The following DPP10 variants were observed in gnomAD, a reference collection of about 807,000 sequenced individuals.
DPP10 encodes inactive dipeptidyl peptidase 10.
DPP10 carries 33 observed loss-of-function variants against 120.9 expected under a neutral mutation model. The observed-to-expected ratio is 0.27, with a 90% CI of 0.21 to 0.37. DPP10 has a LOEUF of 0.37. Among genes scored for constraint, DPP10 ranks in the 10% least tolerant of loss-of-function variants. The pLI is 1.00. For synonymous variants in DPP10, 337 were observed against 326.1 expected (o/e 1.03, Z -0.36); for missense variants, 816 against 942.8 (o/e 0.87, Z 1.76).
At chr2:114,622,500 C>T (rs563950356) in intron 1 of DPP10, among the ~76,000 whole-genome samples, 2 of 151,930 alleles carry the variant, frequency 1.3e-5, no homozygotes, top group East Asian at 3.9e-4. Flanking sequence ...GCACAGAATC[C>T]GTTGCTTTTT....
intron 1 of DPP10, among the ~76,000 whole-genome samples, chr2:115,147,458 T>C (rs2051289389): frequency 6.6e-6 from 1 of 152,156 alleles, no homozygotes; most frequent in Non-Finnish European, 1.5e-5. Flanking sequence ...TAACACCTTT[T>C]AGGTCTTGGT....
Position 114,834,429 on chromosome 2 carries a change from T to A in DPP10, c.60+391591T>A, listed in dbSNP as rs1247103107. ...CCATATCTACACACCTATGTATATA[T>A]AAGCCATATCTACACACCTATGTAC... On this transcript the variant is annotated intron_variant, in intron 1 of 25. Transcript: ENST00000410059. Among the ~76,000 whole-genome samples the A allele has an allele frequency of 5.3e-5, 8 of 151,142 alleles. No individual in the cohort carries two copies. The South Asian group carries it at 1.7e-3, about 32-fold the overall frequency.
At chr2:115,658,239 G>A (rs1286705274) in intron 5 of DPP10, among the ~76,000 whole-genome samples, 1 of 151,900 alleles carries the variant, frequency 6.6e-6, no homozygotes, top group East Asian at 1.9e-4. Flanking sequence ...GAGCATAATT[G>A]ATTACTAATT....
At chr2:115,567,177 C>G (rs565346920) in intron 5 of DPP10, among the ~76,000 whole-genome samples, 1 of 151,664 alleles carries the variant, frequency 6.6e-6, no homozygotes, top group South Asian at 2.1e-4. Context: ...GGTTTTTCTC[C>G]CATGCTTGTA....
intron 1 of DPP10, among the ~76,000 whole-genome samples, chr2:115,136,399 C>T (rs1168610105): frequency 1.3e-5 from 2 of 152,130 alleles, no homozygotes; most frequent in Non-Finnish European, 2.9e-5. Context: ...TTTCTCTAGC[C>T]TTGATGTTAT....
rs1316008762 is a variant in DPP10, at chr2:114,448,885, C to T, written c.60+6047C>T. Among the ~76,000 whole-genome samples, 5 of 152,238 alleles carry T rather than the reference C, an allele frequency of 3.3e-5. No homozygotes were observed. The East Asian group carries it at 9.6e-4, about 29-fold the overall frequency. ...ATATATATTTGTTGGTTATTAATGACTGTTAAGGTCATTTAGTAGAGATAA... is the reference window on the plus strand; with the variant it reads ...ATATATATTTGTTGGTTATTAATGATTGTTAAGGTCATTTAGTAGAGATAA... On this transcript the variant is annotated intron_variant, in intron 1 of 25. Transcript: ENST00000410059.
At chr2:115,598,045 A>C (rs1160951673) in intron 5 of DPP10, among the ~76,000 whole-genome samples, 5 of 151,944 alleles carry the variant, frequency 3.3e-5, no homozygotes, top group African/African-American at 1.2e-4. Context: ...ATTATTTTGA[A>C]GTCTATTTTA....
chr2:114,523,715 T>C (rs1363584532), intron 1 of DPP10, among the ~76,000 whole-genome samples: 2 of 152,186 alleles, frequency 1.3e-5, no homozygotes, highest in African/African-American at 2.4e-5. Context: ...TTATACATGT[T>C]GCCAGATGTG....
chr2:114,852,653 C>A (rs145378053), intron 1 of DPP10, among the ~76,000 whole-genome samples: 1,816 of 152,174 alleles, frequency 0.012, 16 homozygotes, highest in Non-Finnish European at 0.021. Context: ...AACCAATCCT[C>A]TATGGATATC....
chr2:115,649,488 A>T (rs932316657), intron 5 of DPP10, among the ~76,000 whole-genome samples: 2 of 152,102 alleles, frequency 1.3e-5, no homozygotes, highest in African/African-American at 4.8e-5. Context: ...GATGATTTGT[A>T]CATAATTATT....
intron 1 of DPP10, among the ~76,000 whole-genome samples, chr2:115,077,669 C>G (rs1451126881): frequency 1.3e-5 from 2 of 152,144 alleles, no homozygotes; most frequent in African/African-American, 2.4e-5. Flanking sequence ...CTTCTTTTTC[C>G]TGATTTTTGG....
intron 3 of DPP10, among the ~76,000 whole-genome samples, chr2:115,411,449 G>A (rs77108195): frequency 0.011 from 1,702 of 152,238 alleles, 34 homozygotes; most frequent in African/African-American, 0.04. Context: ...GTCTGTATTT[G>A]CATCTTGGTC....
At chr2:114,727,880 C>T (rs1676492161) in intron 1 of DPP10, among the ~76,000 whole-genome samples, 1 of 152,180 alleles carries the variant, frequency 6.6e-6, no homozygotes. Context: ...ATCTGTCTAT[C>T]ACTGCGGTCA....
At chr2:115,621,553 C>T (rs2084943702) in intron 5 of DPP10, among the ~76,000 whole-genome samples, 1 of 152,052 alleles carries the variant, frequency 6.6e-6, no homozygotes, top group African/African-American at 2.4e-5. Flanking sequence ...TTTTAATACT[C>T]TGTAAAGTAA....
intron 1 of DPP10, among the ~76,000 whole-genome samples, chr2:114,680,378 C>G (rs1698950051): frequency 6.6e-6 from 1 of 151,822 alleles, no homozygotes; most frequent in African/African-American, 2.4e-5. Context: ...AAGACTGGGT[C>G]CTGTATTTTT....
intron 3 of DPP10, among the ~76,000 whole-genome samples, chr2:115,351,845 A>T (rs2064056229): frequency 6.6e-6 from 1 of 152,110 alleles, no homozygotes; most frequent in Admixed American, 6.6e-5. Flanking sequence ...CAAAGTTTAG[A>T]TTAAATTTCA....
At chr2:115,424,587 C>T (rs1197980438) in intron 3 of DPP10, among the ~76,000 whole-genome samples, 1 of 151,898 alleles carries the variant, frequency 6.6e-6, no homozygotes, top group East Asian at 1.9e-4. Flanking sequence ...CACTTTGTTA[C>T]TTCTTGTTTG....
intron 1 of DPP10, among the ~76,000 whole-genome samples, chr2:114,923,813 T>G (rs752795175): frequency 8.9e-4 from 136 of 152,176 alleles, no homozygotes; most frequent in Non-Finnish European, 1.7e-3. Context: ...TTTAGACAAT[T>G]TGGATGCAAT....
chr2:115,073,791 A>T (rs1404492449), intron 1 of DPP10, among the ~76,000 whole-genome samples: 2 of 152,228 alleles, frequency 1.3e-5, no homozygotes, highest in Non-Finnish European at 2.9e-5. Context: ...GTTCAATGAA[A>T]GATAATCTGT....
Sources: allele counts gnomAD v4.1 joint callset (sites outside exome capture counted in the v4.1 genomes callset), GRCh38; gene constraint gnomAD v4.1.1; transcripts MANE v1.5; gene names NCBI Gene and HGNC (gene_info 2026-07-23, HGNC 2026-07-21).